The following COL23A1 variants were observed in gnomAD, a reference collection of about 807,000 sequenced individuals.
COL23A1 encodes collagen alpha-1(XXIII) chain.
In COL23A1, 97 loss-of-function variants were observed where a neutral mutation model predicts 99.3. That is an observed-to-expected ratio of 0.98 (90% CI 0.83 to 1.16). COL23A1 has a LOEUF of 1.16. Among genes scored for constraint, COL23A1 ranks in the 50% most tolerant of loss-of-function variants. The pLI is 0.00. For missense variants in COL23A1, 762 were observed against 757.4 expected (o/e 1.01, Z -0.07); for synonymous variants, 320 against 308.2 (o/e 1.04, Z -0.40).
At chr5:178,404,086 A>T (rs1581320412) in intron 2 of COL23A1, among the ~76,000 whole-genome samples, 1 of 152,124 alleles carries the variant, frequency 6.6e-6, no homozygotes, top group Non-Finnish European at 1.5e-5. Flanking sequence ...CCCTGCACAC[A>T]CCCTGCCTCC....
chr5:178,306,303 C>T lies in COL23A1; in HGVS notation c.406+572G>A, dbSNP rs2127603613. Among the ~76,000 whole-genome samples, 1 of 75,796 alleles carries T rather than the reference C, an allele frequency of 1.3e-5. No individual in the cohort carries two copies. The allele number at this position is 75,796 out of a possible 152,430, so 49.7% of individuals were successfully genotyped here. On this transcript the variant is annotated intron_variant, in intron 3 of 28. Coordinates refer to ENST00000390654, the MANE Select transcript of COL23A1 (RefSeq NM_173465.4). This position sits in a 1 kb window ranked among gnomAD's most constrained non-coding sequence, Gnocchi z 4.1. ...AGCATGACTTTAGCTAAGACGATGT[C>T]AGAGGGGCTTAGGGAAGTCCCTGGG...
chr5:178,299,706 C>T (rs1445900919), intron 3 of COL23A1, among the ~76,000 whole-genome samples: 1 of 151,156 alleles, frequency 6.6e-6, no homozygotes, highest in African/African-American at 2.4e-5. Flanking sequence ...TAAGTTTGCT[C>T]TTATTTTTCT....
At chr5:178,388,827 A>C (rs1763806214) in intron 2 of COL23A1, among the ~76,000 whole-genome samples, 3 of 152,236 alleles carry the variant, frequency 2.0e-5, no homozygotes, top group Non-Finnish European at 4.4e-5. Context: ...AGCCCTGAGT[A>C]ACCAGTCAAA....
intron 2 of COL23A1, among the ~76,000 whole-genome samples, chr5:178,555,650 A>C (rs1485602285): frequency 1.3e-5 from 2 of 152,178 alleles, no homozygotes; most frequent in Non-Finnish European, 2.9e-5. Flanking sequence ...TAACCCAAAG[A>C]GTGAGTGAAT....
At position 178,577,198 on chromosome 5, in the gene COL23A1, C is replaced by T. The variant is rs1022062523; in HGVS notation, c.294+12706G>A. Among the ~76,000 whole-genome samples, 3 of 152,176 alleles carry T rather than the reference C, an allele frequency of 2.0e-5. No individual in the cohort carries two copies. In the East Asian group the frequency reaches 5.8e-4, roughly 30 times the overall value. On this transcript the variant is annotated intron_variant, in intron 1 of 28. Transcript: ENST00000390654. ...CCCGCGGGTGGTCCGGAGCCCGGGG[C>T]GCGGCGCGCCGTTCATTCCCGCGTC...
At position 178,280,187 on chromosome 5, in the gene COL23A1, T is replaced by C. The variant is rs1756820491; in HGVS notation, c.441+8137A>G. The stretch of plus-strand genomic sequence containing the variant: ...AAGGCTGCCTCCAGCCCTGGCGGAC[T>C]CTTGCGCTGGACTCCCGCCCTCGGG... On this transcript the variant is annotated intron_variant, in intron 5 of 28. Coordinates refer to ENST00000390654, the MANE Select transcript of COL23A1 (RefSeq NM_173465.4). The surrounding 1 kb of genome is among the most constrained non-coding windows in gnomAD (Gnocchi z 4.9). Among the ~76,000 whole-genome samples the C allele has an allele frequency of 6.6e-6, 1 of 152,232 alleles. No homozygotes were observed. Among genetic ancestry groups the C allele is most frequent in the African/African-American group, 2.4e-5 (1 of 41,460 alleles).
At chr5:178,563,234 C>T (rs920027413) in intron 1 of COL23A1, among the ~76,000 whole-genome samples, 1 of 152,190 alleles carries the variant, frequency 6.6e-6, no homozygotes, top group Non-Finnish European at 1.5e-5. Context: ...CTGGACCTGC[C>T]ACTCCCTGCT....
intron 2 of COL23A1, chr5:178,438,657 A>G (rs1766694347): frequency 6.6e-6 from 1 of 152,146 alleles, no homozygotes; most frequent in Non-Finnish European, 1.5e-5. Flanking sequence ...ATCTGGTTTT[A>G]TTTTTTAGCA....
At chr5:178,464,026 C>A (rs1412617044) in intron 2 of COL23A1, among the ~76,000 whole-genome samples, 2 of 152,220 alleles carry the variant, frequency 1.3e-5, no homozygotes, top group African/African-American at 4.8e-5. Flanking sequence ...TTGGCAGGAG[C>A]TGTTCACCTA....
At chr5:178,275,924 G>A (rs556933816) in intron 5 of COL23A1, among the ~76,000 whole-genome samples, 29 of 152,264 alleles carry the variant, frequency 1.9e-4, no homozygotes, top group Non-Finnish European at 3.5e-4. Flanking sequence ...GGATGGATTT[G>A]AGGGTCTCCT....
At chr5:178,361,596 C>G (rs888640586) in intron 2 of COL23A1, among the ~76,000 whole-genome samples, 8 of 152,096 alleles carry the variant, frequency 5.3e-5, no homozygotes, top group African/African-American at 1.9e-4. Flanking sequence ...CTCCATCATA[C>G]ACCCCCCTAC....
intron 2 of COL23A1, among the ~76,000 whole-genome samples, chr5:178,508,824 G>A (rs535011): frequency 0.11 from 16,032 of 152,184 alleles, 2,331 homozygotes; most frequent in African/African-American, 0.33. Flanking sequence ...TCACCACTGT[G>A]TCATTCCTTG....
At chr5:178,548,615 C>T (rs1234942803) in intron 2 of COL23A1, among the ~76,000 whole-genome samples, 2 of 149,950 alleles carry the variant, frequency 1.3e-5, no homozygotes, top group South Asian at 2.1e-4. Flanking sequence ...TGCAGTGGCG[C>T]AATCTCGGCT....
rs1359917153 is a variant in COL23A1, at chr5:178,306,491, G to A, written c.406+384C>T. ...TGCCAAGGAAGGACAGGCCACGTCTGGGGAGGGATGAAACCCACAGGAGAA... is the reference window on the plus strand; with the variant it reads ...TGCCAAGGAAGGACAGGCCACGTCTAGGGAGGGATGAAACCCACAGGAGAA... On this transcript the variant is annotated intron_variant, in intron 3 of 28. Transcript: ENST00000390654. This position sits in a 1 kb window ranked among gnomAD's most constrained non-coding sequence, Gnocchi z 4.1. Among the ~76,000 whole-genome samples, 5 of 151,954 alleles carry A rather than the reference G, an allele frequency of 3.3e-5. No individual in the cohort carries two copies. Among genetic ancestry groups the A allele is most frequent in the African/African-American group, 1.2e-4 (5 of 41,348 alleles).
intron 2 of COL23A1, among the ~76,000 whole-genome samples, chr5:178,359,338 A>C (rs1666087496): frequency 6.6e-6 from 1 of 152,248 alleles, no homozygotes; most frequent in Non-Finnish European, 1.5e-5. Flanking sequence ...AGCCTGGCCA[A>C]CAATGGTGAC....
chr5:178,367,990 T>C (rs1762581992), intron 2 of COL23A1, among the ~76,000 whole-genome samples: 1 of 152,128 alleles, frequency 6.6e-6, no homozygotes, highest in African/African-American at 2.4e-5. Context: ...AGACGTTGTG[T>C]GCACTGCGGA....
intron 2 of COL23A1, among the ~76,000 whole-genome samples, chr5:178,445,681 T>A (rs1767118312): frequency 6.6e-6 from 1 of 152,078 alleles, no homozygotes; most frequent in Non-Finnish European, 1.5e-5. Context: ...TACAGAGAGT[T>A]TAAATATTTA....
At chr5:178,374,435 G>T (rs139305804) in intron 2 of COL23A1, among the ~76,000 whole-genome samples, 3 of 152,254 alleles carry the variant, frequency 2.0e-5, no homozygotes, top group East Asian at 3.9e-4. Flanking sequence ...ACAGCAGCTC[G>T]TGGCTGTGCC....
intron 2 of COL23A1, among the ~76,000 whole-genome samples, chr5:178,445,530 G>A (rs1012320962): frequency 9.9e-5 from 15 of 152,034 alleles, no homozygotes; most frequent in African/African-American, 3.1e-4. Context: ...GATGGAAATC[G>A]TACTAAATTT....
Sources: allele counts gnomAD v4.1 joint callset (sites outside exome capture counted in the v4.1 genomes callset), GRCh38; gene constraint gnomAD v4.1.1; non-coding constraint Gnocchi (gnomAD v3.1); transcripts MANE v1.5; gene names NCBI Gene and HGNC (gene_info 2026-07-23, HGNC 2026-07-21).